The following CNTLN variants were observed in gnomAD, a reference collection of about 807,000 sequenced individuals.
CNTLN encodes the protein centlein.
A neutral mutation model predicts 180.0 loss-of-function variants in CNTLN; 212 were observed. That is an observed-to-expected ratio of 1.18 (90% CI 1.05 to 1.32). The LOEUF (loss-of-function observed/expected upper bound fraction) is 1.32. CNTLN is among the 40% of genes most tolerant of loss of function. The probability of loss-of-function intolerance (pLI) is 0.00; values close to 1 mark genes in which losing one functional copy is unlikely to be tolerated. For synonymous variants in CNTLN, 722 were observed against 563.1 expected, an observed-to-expected ratio of 1.28 and a Z score of -3.99; for missense variants, 2,095 against 1,610.9, an observed-to-expected ratio of 1.30 and a Z score of -5.14.
intron 14 of CNTLN, among the ~76,000 whole-genome samples, chr9:17,393,464 C>T (rs370873928): frequency 1.3e-5 from 2 of 152,120 alleles, no homozygotes; most frequent in East Asian, 1.9e-4. Flanking sequence ...TTTCCATACA[C>T]GTCTGAGTAA....
intron 19 of CNTLN, among the ~76,000 whole-genome samples, chr9:17,461,669 G>A (rs1171195885): frequency 6.6e-6 from 1 of 151,532 alleles, no homozygotes; most frequent in Admixed American, 6.6e-5. Context: ...CCTAGGAATA[G>A]TTCTAATAGA....
intron 10 of CNTLN, among the ~76,000 whole-genome samples, chr9:17,339,956 C>G (rs1227711641): frequency 1.3e-5 from 2 of 151,948 alleles, no homozygotes; most frequent in Non-Finnish European, 2.9e-5. Flanking sequence ...GAGTTCGAGA[C>G]CAGCCTTGGC....
At chr9:17,436,762 T>C (rs1829802031) in intron 18 of CNTLN, among the ~76,000 whole-genome samples, 1 of 152,258 alleles carries the variant, frequency 6.6e-6, no homozygotes, top group African/African-American at 2.4e-5. Flanking sequence ...CATTGTTTTT[T>C]TCCTGTCAGG....
At chr9:17,396,910 C>T (rs986734340) in intron 15 of CNTLN, among the ~76,000 whole-genome samples, 1 of 152,190 alleles carries the variant, frequency 6.6e-6, no homozygotes, top group African/African-American at 2.4e-5. Flanking sequence ...ATTCCCATTT[C>T]GGTGTTACCG....
chr9:17,411,222 G>T (rs373573415), intron 16 of CNTLN, among the ~76,000 whole-genome samples: 2 of 152,028 alleles, frequency 1.3e-5, no homozygotes, highest in African/African-American at 4.8e-5. Context: ...CCCCAACCTA[G>T]AAACCTCAGT....
At chr9:17,210,394 C>G (rs1260907770) in intron 2 of CNTLN, among the ~76,000 whole-genome samples, 1 of 152,154 alleles carries the variant, frequency 6.6e-6, no homozygotes, top group Non-Finnish European at 1.5e-5. Flanking sequence ...GACATAAACT[C>G]ATCCTTTTTT....
intron 18 of CNTLN, among the ~76,000 whole-genome samples, chr9:17,435,489 G>A (rs1011410487): frequency 2.6e-5 from 4 of 152,022 alleles, no homozygotes; most frequent in African/African-American, 9.7e-5. Flanking sequence ...GGTAGGAGGA[G>A]CATTTTGAAA....
intron 1 of CNTLN, among the ~76,000 whole-genome samples, chr9:17,135,653 C>T (rs1006825035): frequency 3.6e-5 from 5 of 140,150 alleles, no homozygotes; most frequent in Non-Finnish European, 7.4e-5. Flanking sequence ...CAGGCTTCGC[C>T]TCCGCGCCCG....
At chr9:17,357,883 T>G (rs1210197196) in intron 12 of CNTLN, among the ~76,000 whole-genome samples, 1 of 151,874 alleles carries the variant, frequency 6.6e-6, no homozygotes, top group Non-Finnish European at 1.5e-5. Context: ...ACAAAGGGTT[T>G]GTTTAGTCTG....
rs913115033 is a variant in CNTLN at position 17,210,430 on chromosome 9, A to G, written c.450-15773A>G. Reference sequence around the variant, plus strand: ...ATGGCTGCATAGTAGTCCATGGTGTATATGTGCCACATTTTCTTAATCTAG... The same window carrying G: ...ATGGCTGCATAGTAGTCCATGGTGTGTATGTGCCACATTTTCTTAATCTAG... On this transcript the variant is annotated intron_variant, in intron 2 of 25. Coordinates refer to ENST00000380647, the MANE Select transcript of CNTLN (RefSeq NM_017738.4). Among the ~76,000 whole-genome samples the G allele has an allele frequency of 4.6e-5, 7 of 152,302 alleles. No individual in the cohort carries two copies. The East Asian group carries it at 1.4e-3, about 29-fold the overall frequency.
intron 13 of CNTLN, among the ~76,000 whole-genome samples, chr9:17,375,864 T>C (rs1824717726): frequency 6.6e-6 from 1 of 152,204 alleles, no homozygotes; most frequent in Non-Finnish European, 1.5e-5. Flanking sequence ...CCAAGATAAC[T>C]ATATTTCGTA....
intron 5 of CNTLN, among the ~76,000 whole-genome samples, chr9:17,239,372 G>A (rs914957679): frequency 1.3e-5 from 2 of 152,114 alleles, no homozygotes; most frequent in African/African-American, 2.4e-5. Flanking sequence ...CTGGATCCAC[G>A]TTCTTTATCA....
chr9:17,264,359 T>TATG (rs1563934697), intron 5 of CNTLN, among the ~76,000 whole-genome samples: 2 of 151,730 alleles, frequency 1.3e-5, no homozygotes, highest in African/African-American at 4.9e-5. Context: ...GTTGTAGATA[T>TATG]GCAGCGTTAT....
intron 2 of CNTLN, among the ~76,000 whole-genome samples, chr9:17,206,653 A>C (rs935150686): frequency 6.6e-6 from 1 of 152,132 alleles, no homozygotes; most frequent in Non-Finnish European, 1.5e-5. Context: ...ATTGAGTCTG[A>C]ATGTGGAGGT....
chr9:17,266,209 A>C (rs1044567066), intron 5 of CNTLN, among the ~76,000 whole-genome samples: 1 of 152,042 alleles, frequency 6.6e-6, no homozygotes, highest in Non-Finnish European at 1.5e-5. Context: ...ACTGCTTTGA[A>C]TGTGTTCCAG....
rs145707262 is a variant in CNTLN at position 17,398,048 on chromosome 9, A to G, written c.2615+2979A>G. 5.6e-3 allele frequency among the ~76,000 whole-genome samples: 846 copies of G among 152,102 alleles called. 36 individuals carry two copies. Among genetic ancestry groups the G allele is most frequent in the Admixed American group, 0.052 (800 of 15,274 alleles). ...TATGTATATATATAATTTTGTATATATAAAATACTATATCATATGATTATC... is the reference window on the plus strand; with the variant it reads ...TATGTATATATATAATTTTGTATATGTAAAATACTATATCATATGATTATC... On this transcript the variant is annotated intron_variant, in intron 15 of 25. Transcript: ENST00000380647.
chr9:17,309,344 T>G, intron 8 of CNTLN, 92 bp downstream of exon 8: 2 of 981,390 alleles, frequency 2.0e-6, no homozygotes, highest in Non-Finnish European at 2.9e-6. Flanking sequence ...TAAATATATT[T>G]GCATTTATTG....
chr9:17,138,372 G>T (rs1376208037), intron 1 of CNTLN, among the ~76,000 whole-genome samples: 1 of 152,056 alleles, frequency 6.6e-6, no homozygotes, highest in Non-Finnish European at 1.5e-5. Flanking sequence ...AAAAATTAGG[G>T]TATTTAAATG....
chr9:17,480,978 G>A (rs898888708), intron 23 of CNTLN, among the ~76,000 whole-genome samples: 1 of 152,112 alleles, frequency 6.6e-6, no homozygotes, highest in Admixed American at 6.6e-5. Context: ...GCCTAGACAG[G>A]GAGCCAAGCT....
Sources: allele counts gnomAD v4.1 joint callset (sites outside exome capture counted in the v4.1 genomes callset), GRCh38; gene constraint gnomAD v4.1.1; transcripts MANE v1.5; gene names NCBI Gene and HGNC (gene_info 2026-07-23, HGNC 2026-07-21).